NSD3: variants seen among roughly 807,000 people sequenced by gnomAD.
The protein encoded by NSD3 is nuclear receptor binding SET domain protein 3.
Under a neutral mutation model 160.8 loss-of-function variants are expected in NSD3, and 24 were observed. That is an observed-to-expected ratio of 0.15 (90% confidence interval 0.11 to 0.21). NSD3 has a LOEUF of 0.21. NSD3 is among the 10% of genes least tolerant of loss of function. The probability of loss-of-function intolerance (pLI) is 1.00; values close to 1 mark genes in which losing one functional copy is unlikely to be tolerated. For missense variants in NSD3, 1,157 were observed against 1,735.9 expected, an observed-to-expected ratio of 0.67 and a Z score of 5.93; for synonymous variants, 520 against 600.0, an observed-to-expected ratio of 0.87 and a Z score of 1.95.
intron 4 of NSD3, among the ~76,000 whole-genome samples, chr8:38,332,598 A>T (rs1265796346): frequency 6.6e-6 from 1 of 152,242 alleles, no homozygotes; most frequent in Non-Finnish European, 1.5e-5. Context: ...TTGACAAACA[A>T]GCCAGTCTGG....
chr8:38,296,199 C>T (rs889505388), intron 15 of NSD3, among the ~76,000 whole-genome samples: 2 of 152,156 alleles, frequency 1.3e-5, no homozygotes, highest in African/African-American at 2.4e-5. Context: ...GTACTCTTTA[C>T]TCCTTTAAAC....
chr8:38,362,238 T>G (rs1312361614), intron 1 of NSD3, among the ~76,000 whole-genome samples: 2 of 79,990 alleles, frequency 2.5e-5, no homozygotes, highest in African/African-American at 9.7e-5. Context: ...CAAAACAGAA[T>G]AGAGTATTAC....
chr8:38,364,933 C>G (rs373041258), intron 1 of NSD3, among the ~76,000 whole-genome samples: 1 of 152,174 alleles, frequency 6.6e-6, no homozygotes, highest in East Asian at 1.9e-4. Flanking sequence ...AATAAACAGA[C>G]TTTCATTCAC....
intron 2 of NSD3, among the ~76,000 whole-genome samples, chr8:38,346,369 GTA>G (rs889656454): frequency 7.6e-4 from 111 of 146,294 alleles, no homozygotes; most frequent in Non-Finnish European, 1.1e-3. Flanking sequence ...ATGTATATAT[GTA>G]TATATATGTA....
chr8:38,291,383 C>A (rs1808994166), intron 16 of NSD3, among the ~76,000 whole-genome samples: 1 of 152,124 alleles, frequency 6.6e-6, no homozygotes, highest in East Asian at 1.9e-4. Flanking sequence ...ATGAAGCTAA[C>A]AGTCAGAAAA....
intron 1 of NSD3, among the ~76,000 whole-genome samples, chr8:38,352,389 T>C (rs756421700): frequency 6.6e-6 from 1 of 152,192 alleles, no homozygotes; most frequent in Non-Finnish European, 1.5e-5. Context: ...TCCAGAGCGC[T>C]CTCATTTTCT....
At position 38,299,426 on chromosome 8, in the gene NSD3, A is replaced by T. The variant is rs1424539239; in HGVS notation, c.2758+18T>A. ...GAAATGCAAAAATAAAAGCAAGAGA[A>T]ACTATTTTGATTATTACCTTTCTCA... On this transcript the variant is annotated intron_variant, in intron 15 of 23. Coordinates refer to ENST00000317025, the MANE Select transcript of NSD3 (RefSeq NM_023034.2). The T allele has an allele frequency of 6.2e-7, 1 of 1,602,890 alleles. No individual in the cohort carries two copies. Among genetic ancestry groups the T allele is most frequent in the African/African-American group, 1.3e-5 (1 of 74,520 alleles).
intron 14 of NSD3, chr8:38,303,212 T>C (rs1809315761): frequency 1.0e-6 from 1 of 983,744 alleles, no homozygotes; most frequent in African/African-American, 1.7e-5. Context: ...AAGCTAAACA[T>C]TCAACTGATA....
intron 1 of NSD3, among the ~76,000 whole-genome samples, chr8:38,349,290 T>A (rs1017288161): frequency 6.6e-6 from 1 of 152,210 alleles, no homozygotes; most frequent in African/African-American, 2.4e-5. Context: ...TTGTTTGATA[T>A]AATAAATACG....
Position 38,318,973 on chromosome 8 carries a change from G to C in NSD3, c.1810-33C>G, listed in dbSNP as rs1450889723. The C allele has an allele frequency of 2.5e-6, 4 of 1,580,818 alleles. No homozygotes were observed. The East Asian group carries it at 6.8e-5, about 27-fold the overall frequency. ...GACAGAAAAATACAGCATTAACAAA[G>C]AATTTTTTTCCCTTTTAATTATTAA... On this transcript the variant is annotated intron_variant, in intron 8 of 23. Coordinates refer to ENST00000317025, the MANE Select transcript of NSD3 (RefSeq NM_023034.2). This position sits in a 1 kb window ranked among gnomAD's most constrained non-coding sequence, Gnocchi z 5.3.
chr8:38,310,604 C>T (rs1030337840), intron 12 of NSD3, among the ~76,000 whole-genome samples: 3 of 151,568 alleles, frequency 2.0e-5, no homozygotes, highest in Non-Finnish European at 4.4e-5. Flanking sequence ...ACTTCCTGGG[C>T]TCAGGTGATT....
At chr8:38,296,075 A>T in intron 15 of NSD3, 123 bp from the exon 16 acceptor site, 2 of 993,052 alleles carry the variant, frequency 2.0e-6, no homozygotes, top group Non-Finnish European at 2.9e-6. Context: ...TAACAAAGGG[A>T]CTGAGTCATA....
At chr8:38,358,560 T>A (rs972537720) in intron 1 of NSD3, among the ~76,000 whole-genome samples, 3 of 152,178 alleles carry the variant, frequency 2.0e-5, no homozygotes, top group Non-Finnish European at 2.9e-5. Flanking sequence ...TAAAAAAATT[T>A]TTTTTAAGAT....
Position 38,290,668 on chromosome 8 carries a change from T to C in NSD3, c.2925A>G (p.Pro975=), listed in dbSNP as rs190150102. 190 of 1,613,672 alleles carry C rather than the reference T, an allele frequency of 1.2e-4. No homozygotes were observed. The highest frequency in any genetic ancestry group is 1.5e-4 in the Non-Finnish European group (179 of 1,179,832). ...CAGACCTGGGGTTGCAGATCTCTGCTGGCCACCATCTGAAAACAAAAGCAA... is the reference window on the plus strand; with the variant it reads ...CAGACCTGGGGTTGCAGATCTCTGCCGGCCACCATCTGAAAACAAAAGCAA... The part of the protein sequence containing the change: ...WVKLGNYRWW[P]AEICNPRSVP... The change falls in exon 17 of 24, where the codon CCA becomes CCG. Residue 975 remains proline (P), a synonymous_variant. Transcript: ENST00000317025.
At chr8:38,305,531 T>G (rs775763338) in intron 12 of NSD3, 86 bp from the exon 13 acceptor site, 2 of 1,293,348 alleles carry the variant, frequency 1.5e-6, no homozygotes, top group Admixed American at 2.2e-5. Flanking sequence ...AAACAGCTAC[T>G]CCTAAAACAG....
chr8:38,306,814 T>C (rs967669096), intron 12 of NSD3, among the ~76,000 whole-genome samples: 1 of 151,974 alleles, frequency 6.6e-6, no homozygotes, highest in African/African-American at 2.4e-5. Flanking sequence ...CTGAAACCAG[T>C]TATAAAACAG....
At chr8:38,313,604 T>A (rs1388018511) in intron 12 of NSD3, among the ~76,000 whole-genome samples, 2 of 151,844 alleles carry the variant, frequency 1.3e-5, no homozygotes, top group Non-Finnish European at 2.9e-5. Context: ...CTGGCTAACA[T>A]GGTGAAACCT....
intron 12 of NSD3, among the ~76,000 whole-genome samples, chr8:38,308,649 T>C (rs1211130924): frequency 1.3e-5 from 2 of 151,486 alleles, no homozygotes; most frequent in Admixed American, 1.3e-4. Flanking sequence ...TAAGACCCCA[T>C]CTCTACAAAA....
chr8:38,276,627 A>G, intron 22 of NSD3, 127 bp from the exon 23 acceptor site: 1 of 927,826 alleles, frequency 1.1e-6, no homozygotes, highest in Non-Finnish European at 1.6e-6. Flanking sequence ...AAACATCAGG[A>G]GGCCTTATGC....
Sources: gnomAD v4.1 joint callset for allele counts (sites outside exome capture counted in the v4.1 genomes callset) on GRCh38, gnomAD v4.1.1 for gene constraint, Gnocchi (gnomAD v3.1) non-coding constraint, MANE v1.5 for transcripts, NCBI Gene and HGNC (gene_info 2026-07-23, HGNC 2026-07-21) for gene names.